Variants in DNAH9 observed in about 807,000 individuals in gnomAD.
The protein encoded by DNAH9 is dynein axonemal heavy chain 9, also known as DNAH9 variant protein.
A neutral mutation model predicts 471.6 loss-of-function variants in DNAH9; 345 were observed. The ratio of observed to expected loss-of-function variants is 0.73; its 90% CI spans 0.67 to 0.80. The LOEUF is 0.80. DNAH9 is among the 30% of genes least tolerant of loss of function. The pLI is 0.00. For missense variants in DNAH9, 5,407 were observed against 5,609.2 expected (o/e 0.96, Z 1.15); for synonymous variants, 2,093 against 2,123.6 (o/e 0.99, Z 0.40).
In DNAH9 at chr17:11,763,593, C is replaced by T. The variant is rs749060836; in HGVS notation, c.7149C>T (p.Gly2383=). ...TGTTTGCTGCCATCTGGGCTTTCGGCGGAGCAATGGTCCAAGATCAGGTAA... is the reference window on the plus strand; with the variant it reads ...TGTTTGCTGCCATCTGGGCTTTCGGTGGAGCAATGGTCCAAGATCAGGTAA... ...YFVFAAIWAF[G]GAMVQDQLVD... is the part of the protein sequence containing the mutation. The change falls in exon 36 of 69, where the codon GGC becomes GGT. Residue 2383 remains glycine, a synonymous_variant. Coordinates refer to ENST00000262442, the MANE Select transcript of DNAH9 (RefSeq NM_001372.4). The T allele has an allele frequency of 2.9e-5, 47 of 1,614,026 alleles. 1 individual carries two copies. In the South Asian group the frequency reaches 3.1e-4, roughly 11 times the overall value.
chr17:11,868,900 T>A (rs181820401), intron 50 of DNAH9, among the ~76,000 whole-genome samples: 74 of 152,270 alleles, frequency 4.9e-4, no homozygotes, highest in African/African-American at 1.8e-3. Context: ...CATTTCTGGA[T>A]GTCCACTCCA....
chr17:11,654,940 A>G (rs1438602756), intron 14 of DNAH9, among the ~76,000 whole-genome samples: 13 of 152,190 alleles, frequency 8.5e-5, no homozygotes, highest in Admixed American at 8.5e-4. Context: ...AAGGTCCCTC[A>G]GGTCAAATAC....
intron 11 of DNAH9, among the ~76,000 whole-genome samples, chr17:11,645,828 C>T (rs2073372195): frequency 6.6e-6 from 1 of 151,928 alleles, no homozygotes; most frequent in South Asian, 2.1e-4. Context: ...CCCAGCCTTC[C>T]ACCTCTGCTA....
intron 7 of DNAH9, chr17:11,630,583 A>C (rs1017496636): frequency 2.6e-5 from 4 of 152,218 alleles, no homozygotes; most frequent in African/African-American, 9.7e-5. Flanking sequence ...GCATTAGGAC[A>C]AATACCTGAT....
intron 50 of DNAH9, among the ~76,000 whole-genome samples, chr17:11,859,765 C>G (rs1200687912): frequency 6.6e-6 from 1 of 152,110 alleles, no homozygotes; most frequent in East Asian, 1.9e-4. Flanking sequence ...TTTTAAACAA[C>G]CAGATCTCCC....
At chr17:11,934,132 T>C (rs1452118199) in intron 65 of DNAH9, 61 bp downstream of exon 65, 2 of 1,539,656 alleles carry the variant, frequency 1.3e-6, no homozygotes, top group Non-Finnish European at 8.8e-7. Flanking sequence ...TGGGTATTCC[T>C]CCCACGCCGA....
chr17:11,604,183 C>T lies in DNAH9; in HGVS notation c.418-3946C>T, dbSNP rs186805535. On this transcript the variant is annotated intron_variant, in intron 1 of 68. Transcript: ENST00000262442. ...GATTACAGGTGCCCGCCACCATGCC[C>T]AACTAATTTTTGTGTTTTTAGTAGA... 4.2e-3 allele frequency among the ~76,000 whole-genome samples: 641 copies of T among 152,080 alleles called. 1 individual carries two copies. Among genetic ancestry groups the T allele is most frequent in the African/African-American group, 0.015 (617 of 41,482 alleles).
At chr17:11,725,931 A>T (rs2075143838) in intron 27 of DNAH9, among the ~76,000 whole-genome samples, 1 of 152,290 alleles carries the variant, frequency 6.6e-6, no homozygotes, top group Middle Eastern at 3.4e-3. Flanking sequence ...TGGCAGTTAG[A>T]CCAATCCTCT....
At chr17:11,905,219 C>T (rs1374239582) in intron 60 of DNAH9, among the ~76,000 whole-genome samples, 3 of 134,036 alleles carry the variant, frequency 2.2e-5, no homozygotes, top group East Asian at 2.1e-4. Context: ...GGGGACAGAG[C>T]GAGAATCCAT....
Position 11,598,789 on chromosome 17 carries a change from C to A in DNAH9, c.291C>A (p.Gly97=). The A allele has an allele frequency of 6.8e-6, 10 of 1,474,010 alleles. No individual in the cohort carries two copies. The highest frequency in any genetic ancestry group is 9.0e-6 in the Non-Finnish European group (10 of 1,116,116). 91.3% of individuals were successfully genotyped at this position (1,474,010 alleles called of 1,614,324 possible). Reference sequence around the variant, plus strand: ...TGGGACCTGAGTCGGGCCTGGCTGGCGCTAAGGCGCTTTTTTTCCTTCGCA... The same window carrying A: ...TGGGACCTGAGTCGGGCCTGGCTGGAGCTAAGGCGCTTTTTTTCCTTCGCA... The part of the protein sequence containing the change: ...LEVGPESGLA[G]AKALFFLRTG... The change falls in exon 1 of 69, where the codon GGC becomes GGA. Residue 97 remains glycine (G), a synonymous_variant. Coordinates refer to ENST00000262442, the MANE Select transcript of DNAH9 (RefSeq NM_001372.4).
Position 11,629,432 on chromosome 17 carries a change from G to A in DNAH9, c.1366G>A (p.Ala456Thr), listed in dbSNP as rs1339216727. Residue 456 changes from alanine to threonine, a missense_variant, in exon 7 of 69, where the codon GCC becomes ACC. Ala to Thr is a moderately conservative substitution (Grantham distance 58). Around this residue, in one of 3 missense-constraint regions of DNAH9, gnomAD observed 767 missense variants for 692.5 expected, o/e 1.11. Coordinates refer to ENST00000262442, the MANE Select transcript of DNAH9 (RefSeq NM_001372.4). ...LHVVEGLLKT[A>T]LDFHKLGKVE... ...GTCCCCATAGGGTCTTCTGAAGACG[G>A]CCCTGGATTTCCACAAACTGGGAAA... is the stretch of plus-strand genomic sequence containing the variant. The A allele has an allele frequency of 1.2e-6, 2 of 1,613,818 alleles. No homozygotes were observed. Among genetic ancestry groups the A allele is most frequent in the Non-Finnish European group, 1.7e-6 (2 of 1,179,854 alleles).
chr17:11,716,891 C>T (rs1276871796), intron 26 of DNAH9, among the ~76,000 whole-genome samples: 1 of 152,198 alleles, frequency 6.6e-6, no homozygotes, highest in East Asian at 1.9e-4. Flanking sequence ...GGGGCCATGG[C>T]AGGCCCTGAG....
intron 14 of DNAH9, among the ~76,000 whole-genome samples, chr17:11,655,353 TGTG>T (rs978442210): frequency 8.4e-3 from 7 of 832 alleles, no homozygotes; most frequent in Admixed American, 0.017. Flanking sequence ...CATTCCATGG[TGTG>T]TGTGTGTGTG....
intron 50 of DNAH9, among the ~76,000 whole-genome samples, chr17:11,865,549 G>C (rs1206548808): frequency 6.6e-6 from 1 of 152,042 alleles, no homozygotes; most frequent in Admixed American, 6.6e-5. Flanking sequence ...TGTATTTCCT[G>C]AATCTGAATG....
chr17:11,617,311 C>T lies in DNAH9; in HGVS notation c.905-100C>T, dbSNP rs542608046. The T allele has an allele frequency of 5.4e-6, 4 of 745,016 alleles. No homozygotes were observed. In the East Asian group the frequency reaches 1.1e-4, roughly 20 times the overall value. The allele number at this position is 745,016 out of a possible 1,614,324, so 46.2% of individuals were successfully genotyped here. A position where few individuals can be genotyped will look rare whatever the true frequency, so the allele number is the denominator to read the frequency against. ...TTTTCTGGAACCAGCCTTCTCTCTG[C>T]TTGTTGTTTTGCAGGTCTTTTACTT... On this transcript the variant is annotated intron_variant, in intron 4 of 68. Coordinates refer to ENST00000262442, the MANE Select transcript of DNAH9 (RefSeq NM_001372.4).
intron 52 of DNAH9, among the ~76,000 whole-genome samples, chr17:11,872,537 C>G (rs57291419): frequency 0.48 from 72,865 of 151,944 alleles, 17,931 homozygotes; most frequent in Non-Finnish European, 0.54. Context: ...TGTCCTACCA[C>G]TCCACTATAC....
intron 56 of DNAH9, among the ~76,000 whole-genome samples, chr17:11,886,459 T>C (rs774613261): frequency 2.6e-5 from 4 of 151,838 alleles, no homozygotes; most frequent in Non-Finnish European, 5.9e-5. Flanking sequence ...TATGTTTCTT[T>C]CCCTGGATTT....
chr17:11,701,047 C>T (rs1260548188), intron 23 of DNAH9, 75 bp from the exon 24 acceptor site: 2 of 1,524,684 alleles, frequency 1.3e-6, no homozygotes, highest in East Asian at 2.3e-5. Flanking sequence ...CTCCCTCAGA[C>T]TGAGTGGAAG....
At chr17:11,611,922 T>A in intron 4 of DNAH9, 142 bp downstream of exon 4, 2 of 764,866 alleles carry the variant, frequency 2.6e-6, no homozygotes, top group Non-Finnish European at 4.5e-6. Context: ...GTGGCAAGAA[T>A]ACCACATCTA....
Sources: gnomAD v4.1 joint callset for allele counts (sites outside exome capture counted in the v4.1 genomes callset) on GRCh38, gnomAD v4.1.1 for gene constraint, gnomAD v4.1.1 regional missense constraint, MANE v1.5 for transcripts, NCBI Gene and HGNC (gene_info 2026-07-23, HGNC 2026-07-21) for gene names.